Variants in B3GALNT2 observed in about 807,000 individuals in gnomAD.
B3GALNT2 encodes the protein beta-1,3-N-acetylgalactosaminyltransferase 2, also known as UDP-GalNAc:beta-1,3-N-acetylgalactosaminyltransferase 2.
Under a neutral mutation model 61.1 loss-of-function variants are expected in B3GALNT2, and 53 were observed. That is an observed-to-expected ratio of 0.87 (90% confidence interval 0.70 to 1.09). B3GALNT2 has a LOEUF of 1.09. Ranked by LOEUF, B3GALNT2 falls within the 50% of genes least tolerant of loss-of-function variation. The pLI is 0.00. For missense variants in B3GALNT2, 544 were observed against 623.0 expected, an observed-to-expected ratio of 0.87 and a Z score of 1.35; for synonymous variants, 223 against 237.4, an observed-to-expected ratio of 0.94 and a Z score of 0.56.
downstream of B3GALNT2, among the ~76,000 whole-genome samples, chr1:235,446,533 C>G (rs1308181332): frequency 6.6e-6 from 1 of 152,098 alleles, no homozygotes; most frequent in Non-Finnish European, 1.5e-5. Flanking sequence ...AGGTATACCT[C>G]TCAAATTTTT....
intron 5 of B3GALNT2, among the ~76,000 whole-genome samples, chr1:235,471,430 G>A (rs1342136674): frequency 6.6e-6 from 1 of 152,076 alleles, no homozygotes; most frequent in African/African-American, 2.4e-5. Context: ...CTAACAATTT[G>A]TTTTGTACTT....
chr1:235,476,076 T>A (rs1236812396), intron 5 of B3GALNT2, among the ~76,000 whole-genome samples: 6 of 152,016 alleles, frequency 3.9e-5, no homozygotes, highest in African/African-American at 1.4e-4. Flanking sequence ...TGAAGGGAGA[T>A]AAAAAGCACA....
In B3GALNT2 at chr1:235,481,815, T is replaced by C. The variant is rs986049330; in HGVS notation, c.556-1666A>G. Among the ~76,000 whole-genome samples, 12 of 152,186 alleles carry C rather than the reference T, an allele frequency of 7.9e-5. No individual in the cohort carries two copies. The South Asian group carries it at 1.7e-3, about 21-fold the overall frequency. ...AACTACAATCATATATGGACTCCTA[T>C]AGTTGAGTATACAAAGCTCTTCTCA... On this transcript the variant is annotated intron_variant, in intron 4 of 11. Coordinates refer to ENST00000366600, the MANE Select transcript of B3GALNT2 (RefSeq NM_152490.5).
intron 3 of B3GALNT2, 131 bp from the exon 4 acceptor site, chr1:235,484,646 T>C: frequency 7.2e-7 from 1 of 1,397,272 alleles, no homozygotes; most frequent in Non-Finnish European, 9.3e-7. Flanking sequence ...ATGGCAGGAA[T>C]TTTTAAAAAA....
At chr1:235,444,681 A>G (rs1455242204), downstream of B3GALNT2, among the ~76,000 whole-genome samples, 4 of 152,226 alleles carry the variant, frequency 2.6e-5, no homozygotes, top group Admixed American at 6.5e-5. Flanking sequence ...CTGGGGTTAT[A>G]GGTGTGAGCC....
intron 7 of B3GALNT2, among the ~76,000 whole-genome samples, chr1:235,459,750 G>A (rs1683329750): frequency 6.6e-6 from 1 of 152,122 alleles, no homozygotes; most frequent in Admixed American, 6.5e-5. Context: ...AATACATCTA[G>A]GGAGAACCAC....
At chr1:235,502,760 A>T (rs1685639659) in intron 1 of B3GALNT2, among the ~76,000 whole-genome samples, 1 of 152,214 alleles carries the variant, frequency 6.6e-6, no homozygotes, top group Non-Finnish European at 1.5e-5. Flanking sequence ...CCATAAACAG[A>T]CTTAATGACG....
intron 5 of B3GALNT2, among the ~76,000 whole-genome samples, chr1:235,478,443 G>A (rs1684397847): frequency 6.6e-6 from 1 of 152,154 alleles, no homozygotes. Flanking sequence ...ATAAAAGGAT[G>A]TAGGAAAACA....
At chr1:235,470,993 C>T in intron 5 of B3GALNT2, 33 bp from the exon 6 acceptor site, 1 of 1,607,010 alleles carries the variant, frequency 6.2e-7, no homozygotes. Flanking sequence ...GAGTCAATTT[C>T]CTTATTGCTG....
rs554632922 is a variant in B3GALNT2, at chr1:235,477,351, TTTTAAC to T, written c.651+2697_651+2702del. ...ACTTAAAAATACAGATATCATGAATTTTTAACTTTAAGTATTTCAGCATGTATTTCC... is the reference window on the plus strand; with the variant it reads ...ACTTAAAAATACAGATATCATGAATTTTTAAGTATTTCAGCATGTATTTCC... On this transcript the variant is annotated intron_variant, in intron 5 of 11. Transcript: ENST00000366600. Among the ~76,000 whole-genome samples the T allele has an allele frequency of 2.8e-3, 429 of 152,294 alleles. 1 individual carries two copies. Among genetic ancestry groups the T allele is most frequent in the African/African-American group, 0.01 (421 of 41,572 alleles).
In B3GALNT2 at chr1:235,449,087, A is replaced by G; in HGVS notation, c.*1119T>C. ...CTAATAAAATCTGAACACAGTTAAT[A>G]TCTGTCATAAGACTAGTTTTAATGG... is the stretch of plus-strand genomic sequence containing the variant. On this transcript the variant is annotated 3_prime_UTR_variant, in exon 12 of 12. Transcript: ENST00000366600. 3.3e-6 allele frequency: 1 copy of G among 305,842 alleles called. No individual in the cohort carries two copies. Among genetic ancestry groups the G allele is most frequent in the South Asian group, 2.9e-5 (1 of 33,906 alleles). 18.9% of individuals were successfully genotyped at this position (305,842 alleles called of 1,614,324 possible).
chr1:235,474,968 TATATA>T lies in B3GALNT2; in HGVS notation c.652-4013_652-4009del, dbSNP rs1684181043. Among the ~76,000 whole-genome samples the T allele has an allele frequency of 1.0e-3, 30 of 28,840 alleles. 1 individual carries two copies. Among genetic ancestry groups the T allele is most frequent in the East Asian group, 3.6e-3 (3 of 836 alleles). The allele number at this position is 28,840 out of a possible 152,430, so 18.9% of individuals were successfully genotyped here. ...TTAGAGACATATATATATATATATA[TATATA>T]TATATATATATATATTTTTTTTTTT... On this transcript the variant is annotated intron_variant, in intron 5 of 11. Coordinates refer to ENST00000366600, the MANE Select transcript of B3GALNT2 (RefSeq NM_152490.5).
At chr1:235,474,582 G>C (rs772416916) in intron 5 of B3GALNT2, among the ~76,000 whole-genome samples, 3 of 152,100 alleles carry the variant, frequency 2.0e-5, no homozygotes, top group Non-Finnish European at 2.9e-5. Flanking sequence ...CACTTTGGGA[G>C]GCCGAGGTGG....
intron 4 of B3GALNT2, among the ~76,000 whole-genome samples, chr1:235,481,407 C>T (rs1317711145): frequency 6.6e-6 from 1 of 152,130 alleles, no homozygotes; most frequent in African/African-American, 2.4e-5. Flanking sequence ...GGTGCAATCA[C>T]GGCTCACTGT....
At chr1:235,460,393 C>T (rs1321666383) in intron 7 of B3GALNT2, among the ~76,000 whole-genome samples, 1 of 151,348 alleles carries the variant, frequency 6.6e-6, no homozygotes, top group African/African-American at 2.4e-5. Context: ...ATCCACCTGC[C>T]TCAGCCTCCC....
At chr1:235,465,443 T>C in intron 7 of B3GALNT2, 193 bp downstream of exon 7, 1 of 852,322 alleles carries the variant, frequency 1.2e-6, no homozygotes, top group Non-Finnish European at 1.7e-6. Flanking sequence ...GGGTGTGGGG[T>C]TTCCTTTTGG....
intron 2 of B3GALNT2, among the ~76,000 whole-genome samples, chr1:235,493,813 T>C (rs890980963): frequency 1.3e-5 from 2 of 152,118 alleles, no homozygotes; most frequent in Non-Finnish European, 2.9e-5. Context: ...TTTGCTTGTA[T>C]AGCTACTCAG....
intron 2 of B3GALNT2, 66 bp downstream of exon 2, chr1:235,494,615 C>A: frequency 6.6e-7 from 1 of 1,516,720 alleles, no homozygotes. Context: ...CACCACCACG[C>A]CTGGCTAGGT....
At chr1:235,467,554 G>A (rs1027174770) in intron 6 of B3GALNT2, among the ~76,000 whole-genome samples, 4 of 149,154 alleles carry the variant, frequency 2.7e-5, no homozygotes, top group Non-Finnish European at 4.4e-5. Context: ...GCGTGATTTC[G>A]GCTCACTGCA....
Sources: allele counts gnomAD v4.1 joint callset (sites outside exome capture counted in the v4.1 genomes callset), GRCh38; gene constraint gnomAD v4.1.1; transcripts MANE v1.5; gene names NCBI Gene and HGNC (gene_info 2026-07-23, HGNC 2026-07-21).